Variants in THSD7A observed in about 807,000 individuals in gnomAD.
THSD7A encodes thrombospondin type 1 domain containing 7A, also known as thrombospondin type-1 domain-containing protein 7A.
In THSD7A, 96 loss-of-function variants were observed where a neutral mutation model predicts 231.3. The ratio of observed to expected loss-of-function variants is 0.41; its 90% CI spans 0.35 to 0.49. The LOEUF (loss-of-function observed/expected upper bound fraction) is 0.49, where lower values mean the gene tolerates loss of function less well. Among genes scored for constraint, THSD7A ranks in the 20% least tolerant of loss-of-function variants. The pLI, the probability that THSD7A is intolerant of heterozygous loss-of-function variation, is 0.05. For missense variants in THSD7A, 2,290 were observed against 2,070.2 expected, an observed-to-expected ratio of 1.11 and a Z score of -2.06; for synonymous variants, 940 against 743.3, an observed-to-expected ratio of 1.26 and a Z score of -4.30.
At chr7:11,674,255 G>A (rs374970223) in intron 1 of THSD7A, among the ~76,000 whole-genome samples, 2 of 152,108 alleles carry the variant, frequency 1.3e-5, no homozygotes, top group East Asian at 1.9e-4. Context: ...CATCTCTCAC[G>A]CCCTGCCTCC....
In THSD7A at chr7:11,745,423, T is replaced by C. The variant is rs987521604; in HGVS notation, c.190+86334A>G. ...TGTTCACTCTGATGATACTTTCTTTTGCTGTGCAGAAGCTCTTTAGTTTAT... is the reference window on the plus strand; with the variant it reads ...TGTTCACTCTGATGATACTTTCTTTCGCTGTGCAGAAGCTCTTTAGTTTAT... On this transcript the variant is annotated intron_variant, in intron 1 of 27. Transcript: ENST00000423059. Among the ~76,000 whole-genome samples, 3 of 152,176 alleles carry C rather than the reference T, an allele frequency of 2.0e-5. No individual in the cohort carries two copies. The South Asian group carries it at 6.2e-4, about 32-fold the overall frequency.
Position 11,566,971 on chromosome 7 carries a change from G to A in THSD7A, c.1453+23489C>T, listed in dbSNP as rs1233164618. Among the ~76,000 whole-genome samples, 86 of 121,316 alleles carry A rather than the reference G, an allele frequency of 7.1e-4. 19 individuals carry two copies. The highest frequency in any genetic ancestry group is 1.4e-3 in the Non-Finnish European group (81 of 57,420). The allele number at this position is 121,316 out of a possible 152,430, so 79.6% of individuals were successfully genotyped here. The stretch of plus-strand genomic sequence containing the variant: ...GGATCCAGCTGTGGGAGAGTGGGGG[G>A]GGGACTGACCAACAAAGTTTCCTAA... On this transcript the variant is annotated intron_variant, in intron 4 of 27. Coordinates refer to ENST00000423059, the MANE Select transcript of THSD7A (RefSeq NM_015204.3).
At chr7:11,445,306 A>T (rs567178194) in intron 13 of THSD7A, among the ~76,000 whole-genome samples, 2 of 152,166 alleles carry the variant, frequency 1.3e-5, no homozygotes, top group Admixed American at 1.3e-4. Context: ...AAAAAGACAG[A>T]TGTATTAAAA....
At chr7:11,434,362 G>A (rs1784566673) in intron 13 of THSD7A, among the ~76,000 whole-genome samples, 1 of 151,308 alleles carries the variant, frequency 6.6e-6, no homozygotes, top group African/African-American at 2.4e-5. Context: ...CTGCTTTCAG[G>A]TTGAAATAAA....
At chr7:11,669,747 C>T (rs1526527) in intron 1 of THSD7A, among the ~76,000 whole-genome samples, 51,859 of 151,804 alleles carry the variant, frequency 0.34, 9,238 homozygotes, top group Admixed American at 0.47. Flanking sequence ...TTCAAAGATG[C>T]AATATTTCTA....
chr7:11,620,549 C>T (rs1781269204), intron 2 of THSD7A, among the ~76,000 whole-genome samples: 1 of 152,126 alleles, frequency 6.6e-6, no homozygotes, highest in African/African-American at 2.4e-5. Flanking sequence ...GCTGTATTTT[C>T]TGGATATTGA....
chr7:11,626,991 T>C (rs1196346682), intron 2 of THSD7A, among the ~76,000 whole-genome samples: 1 of 152,164 alleles, frequency 6.6e-6, no homozygotes, highest in African/African-American at 2.4e-5. Context: ...TCTCATTGGC[T>C]TCAGTTGAAT....
intron 4 of THSD7A, among the ~76,000 whole-genome samples, chr7:11,587,342 C>A (rs1562746727): frequency 6.6e-6 from 1 of 152,144 alleles, no homozygotes. Context: ...CTGACACTGT[C>A]AGTAGGGAAC....
intron 11 of THSD7A, among the ~76,000 whole-genome samples, chr7:11,456,594 G>A (rs1043109350): frequency 3.3e-5 from 5 of 151,848 alleles, no homozygotes; most frequent in Admixed American, 1.3e-4. Context: ...TACATCATTG[G>A]TTACATGGCT....
At chr7:11,413,387 C>CG (rs946578227) in intron 17 of THSD7A, among the ~76,000 whole-genome samples, 3 of 151,982 alleles carry the variant, frequency 2.0e-5, no homozygotes, top group African/African-American at 7.3e-5. Context: ...ACTGAGTTCT[C>CG]GGCCTTTAGG....
At chr7:11,560,181 C>T (rs1451498800) in intron 4 of THSD7A, among the ~76,000 whole-genome samples, 1 of 152,024 alleles carries the variant, frequency 6.6e-6, no homozygotes, top group Non-Finnish European at 1.5e-5. Context: ...TTTAATGATA[C>T]CATTCATATA....
intron 23 of THSD7A, among the ~76,000 whole-genome samples, chr7:11,399,271 CCTT>C (rs1308033415): frequency 6.6e-6 from 1 of 152,086 alleles, no homozygotes; most frequent in Non-Finnish European, 1.5e-5. Context: ...TAAAATATAA[CCTT>C]CTAAATTATC....
intron 4 of THSD7A, among the ~76,000 whole-genome samples, chr7:11,581,929 C>A (rs1003413117): frequency 6.6e-6 from 1 of 151,980 alleles, no homozygotes; most frequent in African/African-American, 2.4e-5. Flanking sequence ...TATTTTCCAG[C>A]GGTGGTGACT....
intron 1 of THSD7A, among the ~76,000 whole-genome samples, chr7:11,711,424 T>C (rs184465755): frequency 1.7e-4 from 25 of 151,208 alleles, no homozygotes; most frequent in Non-Finnish European, 3.0e-4. Context: ...AATGCTGTTT[T>C]AACCTTAATC....
At chr7:11,512,787 G>A in intron 6 of THSD7A, among the ~76,000 whole-genome samples, 1 of 109,118 alleles carries the variant, frequency 9.2e-6, no homozygotes, top group Non-Finnish European at 1.8e-5. Context: ...ATGGGGCGGG[G>A]GGAGGGGGGA....
intron 1 of THSD7A, among the ~76,000 whole-genome samples, chr7:11,750,872 G>A (rs920863460): frequency 6.6e-6 from 1 of 152,020 alleles, no homozygotes; most frequent in Non-Finnish European, 1.5e-5. Flanking sequence ...GGAAAAACAA[G>A]TCAGGGGATT....
intron 23 of THSD7A, among the ~76,000 whole-genome samples, chr7:11,390,165 G>C (rs1394870951): frequency 6.6e-6 from 1 of 152,154 alleles, no homozygotes; most frequent in Non-Finnish European, 1.5e-5. Flanking sequence ...GGCCTGTCTT[G>C]CTAGGTTGGG....
At chr7:11,802,006 T>C (rs1410365209) in intron 1 of THSD7A, among the ~76,000 whole-genome samples, 1 of 152,236 alleles carries the variant, frequency 6.6e-6, no homozygotes, top group African/African-American at 2.4e-5. Flanking sequence ...TTAAAGGTTA[T>C]TTATATTGAC....
chr7:11,513,939 GCA>G (rs34548445), intron 6 of THSD7A, among the ~76,000 whole-genome samples: 4 of 149,688 alleles, frequency 2.7e-5, no homozygotes, highest in Non-Finnish European at 4.5e-5. Context: ...ACGCATAGGT[GCA>G]CACACACACA....
Sources: gnomAD v4.1 joint callset for allele counts (sites outside exome capture counted in the v4.1 genomes callset) on GRCh38, gnomAD v4.1.1 for gene constraint, MANE v1.5 for transcripts, NCBI Gene and HGNC (gene_info 2026-07-23, HGNC 2026-07-21) for gene names.